SYNE1: variants seen among roughly 807,000 people sequenced by gnomAD.
SYNE1 encodes the protein nesprin-1.
In SYNE1, 616 loss-of-function variants were observed where a neutral mutation model predicts 1,111.0. The observed-to-expected ratio is 0.55, with a 90% CI of 0.52 to 0.59. SYNE1 has a LOEUF of 0.59. Among genes scored for constraint, SYNE1 ranks in the 20% least tolerant of loss-of-function variants. The pLI is 0.00. For synonymous variants in SYNE1, 3,855 were observed against 3,825.8 expected (o/e 1.01, Z -0.28); for missense variants, 10,006 against 10,417.0 (o/e 0.96, Z 1.72).
chr6:152,394,418 T>C (rs994580030), intron 51 of SYNE1, among the ~76,000 whole-genome samples: 1 of 148,366 alleles, frequency 6.7e-6, no homozygotes, highest in African/African-American at 2.4e-5. Context: ...GGACAGGTAA[T>C]GAGCCCAAGG....
chr6:152,218,507 T>C (rs2079295690), intron 120 of SYNE1, 104 bp from the exon 121 acceptor site: 6 of 1,314,540 alleles, frequency 4.6e-6, no homozygotes, highest in Admixed American at 3.8e-5. Flanking sequence ...TTATTTTTCA[T>C]ATTCTTGTAT....
intron 130 of SYNE1, among the ~76,000 whole-genome samples, chr6:152,164,836 A>G (rs1212318346): frequency 1.3e-5 from 2 of 152,208 alleles, no homozygotes; most frequent in Non-Finnish European, 2.9e-5. Flanking sequence ...TTCAGGAAAT[A>G]TGGCCACCTA....
In SYNE1 at chr6:152,455,318, A is replaced by G. The variant is rs981607902; in HGVS notation, c.2892+108T>C. On this transcript the variant is annotated intron_variant, in intron 24 of 145. Coordinates refer to ENST00000367255, the MANE Select transcript of SYNE1 (RefSeq NM_182961.4). ...TAAAAAGTCTCTGCTTCCCTGACTC[A>G]TCTGCCCGCTCTCCTTCTGTATCAG... 4.7e-6 allele frequency: 6 copies of G among 1,265,334 alleles called. No homozygotes were observed. The East Asian group carries it at 7.1e-5, about 15-fold the overall frequency. 78.4% of individuals were successfully genotyped at this position (1,265,334 alleles called of 1,614,324 possible).
chr6:152,465,972 T>C lies in SYNE1; in HGVS notation c.1729+10A>G. On this transcript the variant is annotated intron_variant, in intron 17 of 145. Transcript: ENST00000367255. ...GTCTACGTTGCAACAAATTCTGTAG[T>C]ATGTTTTACCTGAACCATCTGCTTT... 2 of 1,596,016 alleles carry C rather than the reference T, an allele frequency of 1.3e-6. No homozygotes were observed. Among genetic ancestry groups the C allele is most frequent in the Non-Finnish European group, 1.7e-6 (2 of 1,163,940 alleles).
At chr6:152,559,240 G>A (rs1383917788) in intron 3 of SYNE1, among the ~76,000 whole-genome samples, 1 of 151,742 alleles carries the variant, frequency 6.6e-6, no homozygotes, top group East Asian at 1.9e-4. Context: ...TGGGATTACA[G>A]CTGAGTGCCA....
intron 97 of SYNE1, among the ~76,000 whole-genome samples, chr6:152,280,673 G>A (rs2093977662): frequency 6.6e-6 from 1 of 152,168 alleles, no homozygotes; most frequent in Non-Finnish European, 1.5e-5. Context: ...GTGGCAGTAT[G>A]ATAAAACATA....
At chr6:152,622,948 G>C (rs2099678760) in intron 3 of SYNE1, among the ~76,000 whole-genome samples, 1 of 151,946 alleles carries the variant, frequency 6.6e-6, no homozygotes, top group South Asian at 2.1e-4. Flanking sequence ...TTACTTTCTA[G>C]TAAGAGCCAT....
chr6:152,601,497 C>T (rs1387252048), intron 3 of SYNE1, among the ~76,000 whole-genome samples: 1 of 152,120 alleles, frequency 6.6e-6, no homozygotes, highest in African/African-American at 2.4e-5. Flanking sequence ...GTGTCGCCTA[C>T]ACAAGGTGAG....
rs1049719274 is a variant in SYNE1 at position 152,613,295 on chromosome 6, CAG to C, written c.67+14968_67+14969del. Among the ~76,000 whole-genome samples the C allele has an allele frequency of 4.7e-4, 72 of 152,306 alleles. No homozygotes were observed. The Middle Eastern group carries it at 0.01, about 22-fold the overall frequency. ...TCCTTAAGCTGATAAGCAACTTCAG[CAG>C]AGTCTCAGGATTACAAAATCAATGT... is the stretch of plus-strand genomic sequence containing the variant. On this transcript the variant is annotated intron_variant, in intron 3 of 145. Transcript: ENST00000367255.
chr6:152,516,363 T>C (rs2099111750), intron 6 of SYNE1, among the ~76,000 whole-genome samples: 1 of 152,362 alleles, frequency 6.6e-6, no homozygotes. Flanking sequence ...TTTTTTACTT[T>C]GGGTTGTTCC....
At chr6:152,535,737 T>G (rs768253568) in intron 4 of SYNE1, among the ~76,000 whole-genome samples, 8 of 152,170 alleles carry the variant, frequency 5.3e-5, no homozygotes, top group African/African-American at 7.2e-5. Flanking sequence ...ATGCCTAATT[T>G]TAAACATCTA....
At chr6:152,621,078 T>C (rs1278184516) in intron 3 of SYNE1, among the ~76,000 whole-genome samples, 2 of 152,130 alleles carry the variant, frequency 1.3e-5, no homozygotes, top group African/African-American at 4.8e-5. Flanking sequence ...TGAAGATAAG[T>C]CAGGTTTTAG....
In SYNE1 at chr6:152,636,271, C is replaced by T. The variant is rs574218131; in HGVS notation, c.-224+367G>A. On this transcript the variant is annotated intron_variant, in intron 2 of 145. Transcript: ENST00000367255. The stretch of plus-strand genomic sequence containing the variant: ...TCCTAGAATCTGTTCAACGCCCTAC[C>T]TCTCCCATCTGATAGTAGCAACAGT... Among the ~76,000 whole-genome samples the T allele has an allele frequency of 8.5e-5, 13 of 152,248 alleles. No individual in the cohort carries two copies. The South Asian group carries it at 2.7e-3, about 32-fold the overall frequency.
At chr6:152,179,993 T>C (rs2067542195) in intron 129 of SYNE1, 143 bp downstream of exon 129, 1 of 986,894 alleles carries the variant, frequency 1.0e-6, no homozygotes, top group Non-Finnish European at 1.5e-6. Context: ...GCAAGTTTAT[T>C]TTATATTAAA....
chr6:152,434,096 G>T, intron 33 of SYNE1, 151 bp from the exon 34 acceptor site: 1 of 674,306 alleles, frequency 1.5e-6, no homozygotes, highest in Non-Finnish European at 2.5e-6. Flanking sequence ...AAATTGCACA[G>T]TTGTTCTGAG....
chr6:152,130,796 G>A lies in SYNE1; in HGVS notation c.26095-18C>T. 2 of 1,613,846 alleles carry A rather than the reference G, an allele frequency of 1.2e-6. No individual in the cohort carries two copies. Among genetic ancestry groups the A allele is most frequent in the East Asian group, 2.2e-5 (1 of 44,878 alleles). On this transcript the variant is annotated intron_variant, in intron 144 of 145. Transcript: ENST00000367255. ...CCTCGTGGCTGTTTGCAATGAACAG[G>A]GGGTAAAGAAAGAAGAATGTTCAGT...
intron 15 of SYNE1, 54 bp downstream of exon 15, chr6:152,472,247 C>G: frequency 7.1e-7 from 1 of 1,410,570 alleles, no homozygotes; most frequent in Admixed American, 1.8e-5. Context: ...ATATAAAAAG[C>G]GTCCACCTAG....
intron 30 of SYNE1, among the ~76,000 whole-genome samples, chr6:152,443,338 C>A (rs1483972906): frequency 6.6e-6 from 1 of 152,156 alleles, no homozygotes; most frequent in Non-Finnish European, 1.5e-5. Flanking sequence ...AATCTCGGCT[C>A]ATTGCAAGCT....
intron 91 of SYNE1, among the ~76,000 whole-genome samples, chr6:152,306,076 A>G (rs1562934631): frequency 6.6e-6 from 1 of 152,218 alleles, no homozygotes; most frequent in Non-Finnish European, 1.5e-5. Flanking sequence ...CGGAATTTGG[A>G]CACAAAGATA....
Sources: allele counts gnomAD v4.1 joint callset (sites outside exome capture counted in the v4.1 genomes callset), GRCh38; gene constraint gnomAD v4.1.1; transcripts MANE v1.5; gene names NCBI Gene and HGNC (gene_info 2026-07-23, HGNC 2026-07-21).